The following SLC25A38 variants were observed in gnomAD, a reference collection of about 807,000 sequenced individuals.
The protein encoded by SLC25A38 is solute carrier family 25 member 38, also known as mitochondrial glycine transporter.
A neutral mutation model predicts 33.4 loss-of-function variants in SLC25A38; 27 were observed. That is an observed-to-expected ratio of 0.81 (90% CI 0.60 to 1.11). SLC25A38 has a LOEUF of 1.11. Among genes scored for constraint, SLC25A38 ranks in the 50% most tolerant of loss-of-function variants. The probability of loss-of-function intolerance (pLI) is 0.00; values close to 1 mark genes in which losing one functional copy is unlikely to be tolerated. For missense variants in SLC25A38, 344 were observed against 388.8 expected, an observed-to-expected ratio of 0.88 and a Z score of 0.97; for synonymous variants, 123 against 145.9, an observed-to-expected ratio of 0.84 and a Z score of 1.13.
chr3:39,396,431 A>T lies in SLC25A38; in HGVS notation c.826A>T (p.Ile276Phe). 6.2e-7 allele frequency: 1 copy of T among 1,614,122 alleles called. No homozygotes were observed. The highest frequency in any genetic ancestry group is 8.5e-7 in the Non-Finnish European group (1 of 1,180,026). Residue 276 changes from isoleucine (I) to phenylalanine (F), a missense_variant, in exon 7 of 7, where the codon ATC becomes TTC. Physicochemically the swap from Ile to Phe is conservative, Grantham distance 21. Coordinates refer to ENST00000650617, the MANE Select transcript of SLC25A38 (RefSeq NM_017875.4). ...ACTACGTGGCTTCTTCCAAGGTGGC[A>T]TCCCCCGAGCCCTCCGCAGAACTCT... ...YGLRGFFQGG[I>F]PRALRRTLMA...
Position 39,392,000 on chromosome 3 carries a change from A to G in SLC25A38, c.604A>G (p.Thr202Ala). ...AATCTACCTGATGTTTTACAACCAG[A>G]CCAAAAATATAGTGCCTCATGGTAG... ...SGIYLMFYNQ[T>A]KNIVPHDQVD... The change falls in exon 5 of 7, where the codon ACC (threonine) becomes GCC (alanine). Residue 202 changes from threonine to alanine, a missense_variant. By Grantham distance (58) the Thr-to-Ala change is moderately conservative. Coordinates refer to ENST00000650617, the MANE Select transcript of SLC25A38 (RefSeq NM_017875.4). 2.5e-6 allele frequency: 4 copies of G among 1,614,206 alleles called. No individual in the cohort carries two copies. Among genetic ancestry groups the G allele is most frequent in the Non-Finnish European group, 3.4e-6 (4 of 1,180,032 alleles).
At chr3:39,384,840 G>T (rs1294422224) in intron 1 of SLC25A38, 36 of 381,294 alleles carry the variant, frequency 9.4e-5, no homozygotes, top group Non-Finnish European at 1.4e-4. Flanking sequence ...TCGCCCTGTC[G>T]CCCGCGCTGG....
In SLC25A38 at chr3:39,389,517, T is replaced by A. The variant is rs1276189137; in HGVS notation, c.92T>A (p.Phe31Tyr). The A allele has an allele frequency of 2.5e-6, 4 of 1,614,192 alleles. No homozygotes were observed. Among genetic ancestry groups the A allele is most frequent in the East Asian group, 4.5e-5 (2 of 44,876 alleles). ...CAGTTACATCCGGTGATCAAGGCTTTCCTGTGTGGCTCCATCAGTGGGACC... is the reference window on the plus strand; with the variant it reads ...CAGTTACATCCGGTGATCAAGGCTTACCTGTGTGGCTCCATCAGTGGGACC... ...TLMLHPVIKAFLCGSISGTCS... is the reference protein window; with the variant it reads ...TLMLHPVIKAYLCGSISGTCS... Residue 31 changes from phenylalanine to tyrosine, a missense_variant, in exon 2 of 7, where the codon TTC becomes TAC. By Grantham distance (22) the Phe-to-Tyr change is conservative. This residue lies in a region of SLC25A38 where 269 missense variants were observed against 271.8 expected (regional missense o/e 0.99). Coordinates refer to ENST00000650617, the MANE Select transcript of SLC25A38 (RefSeq NM_017875.4). This position sits in a 1 kb window ranked among gnomAD's most constrained non-coding sequence, Gnocchi z 4.5.
At chr3:39,387,408 G>A (rs1384808191) in intron 1 of SLC25A38, among the ~76,000 whole-genome samples, 1 of 152,134 alleles carries the variant, frequency 6.6e-6, no homozygotes, top group Non-Finnish European at 1.5e-5. Context: ...GGAGACTGCT[G>A]CAGAGGTCAT....
rs72867427 is a variant in SLC25A38 at position 39,396,732 on chromosome 3, T to G, written c.*212T>G. On this transcript the variant is annotated 3_prime_UTR_variant, in exon 7 of 7. Transcript: ENST00000650617. ...CTCCAAAAGAGGAGTCATCAATTCA[T>G]AGAGCACACTAGGGTGTTAGGAGAG... 6.5e-3 allele frequency: 4,568 copies of G among 699,454 alleles called. 163 individuals carry two copies. The African/African-American group carries it at 0.071, about 11-fold the overall frequency. The allele number at this position is 699,454 out of a possible 1,614,324, so 43.3% of individuals were successfully genotyped here.
chr3:39,395,011 T>G (rs2125583333), intron 6 of SLC25A38, among the ~76,000 whole-genome samples: 1 of 152,188 alleles, frequency 6.6e-6, no homozygotes, highest in Middle Eastern at 3.4e-3. Context: ...CAGTTTGCTC[T>G]AATATACAGG....
chr3:39,390,588 A>C (rs2041753784), intron 3 of SLC25A38, 81 bp downstream of exon 3: 1 of 1,414,218 alleles, frequency 7.1e-7, no homozygotes, highest in East Asian at 2.3e-5. Context: ...ACCAGCTCTT[A>C]AGGATATGTG....
In SLC25A38 at chr3:39,383,468, C is replaced by T. The variant is rs1040494701; in HGVS notation, c.-257C>T. On this transcript the variant is annotated 5_prime_UTR_variant, in exon 1 of 7. Coordinates refer to ENST00000650617, the MANE Select transcript of SLC25A38 (RefSeq NM_017875.4). ...GGGCAGGATGGGCAGGAGAGCAGAG[C>T]CGCGGAGTCTGCGGCGCGGGTGAAG... 7 of 539,850 alleles carry T rather than the reference C, an allele frequency of 1.3e-5. No individual in the cohort carries two copies. The East Asian group carries it at 1.7e-4, about 13-fold the overall frequency. 33.4% of individuals were successfully genotyped at this position (539,850 alleles called of 1,614,324 possible).
rs2041806686 is a variant in SLC25A38, at chr3:39,394,452, G to C, written c.668G>C (p.Cys223Ser). The change falls in exon 6 of 7, where the codon TGT (cysteine) becomes TCT (serine). Residue 223 changes from cysteine to serine, a missense_variant. By Grantham distance (112) the Cys-to-Ser change is moderately radical. Transcript: ENST00000650617. ...ATLIPITNFS[C>S]GIFAGILASL... ...CTTATTCCTATTACAAATTTCAGCT[G>C]TGGGATATTTGCTGGTATTCTGGCC... 1 of 1,613,634 alleles carries C rather than the reference G, an allele frequency of 6.2e-7. No homozygotes were observed. Among genetic ancestry groups the C allele is most frequent in the Admixed American group, 1.7e-5 (1 of 60,008 alleles).
At chr3:39,390,286 TC>T in intron 2 of SLC25A38, 136 bp from the exon 3 acceptor site, 1 of 864,148 alleles carries the variant, frequency 1.2e-6, no homozygotes, top group East Asian at 2.5e-5. Flanking sequence ...ACATAGAGTA[TC>T]TCCAAGGTGC....
rs1209533146 is a variant in SLC25A38 at position 39,389,541 on chromosome 3, C to A, written c.116C>A (p.Thr39Asn). ...TTCCTGTGTGGCTCCATCAGTGGGACCTGCTCTACCCTCCTTTTCCAACCT... is the reference window on the plus strand; with the variant it reads ...TTCCTGTGTGGCTCCATCAGTGGGAACTGCTCTACCCTCCTTTTCCAACCT... ...KAFLCGSISG[T>N]CSTLLFQPLD... Residue 39 changes from threonine (T) to asparagine (N), a missense_variant, in exon 2 of 7, where the codon ACC becomes AAC. By Grantham distance (65) the Thr-to-Asn change is moderately conservative (BLOSUM62 0). This residue lies in a region of SLC25A38 where 269 missense variants were observed against 271.8 expected (regional missense o/e 0.99). Transcript: ENST00000650617. The surrounding 1 kb of genome is among the most constrained non-coding windows in gnomAD (Gnocchi z 4.5). 6.8e-6 allele frequency: 11 copies of A among 1,614,186 alleles called. No individual in the cohort carries two copies. The highest frequency in any genetic ancestry group is 3.3e-5 in the Admixed American group (2 of 60,020).
chr3:39,384,187 G>A (rs9879763), intron 1 of SLC25A38, among the ~76,000 whole-genome samples: 1,963 of 152,368 alleles, frequency 0.013, 38 homozygotes, highest in African/African-American at 0.044. Context: ...AGAAGCCGTT[G>A]ATGCCGCAGC....
rs2041776212 is a variant in SLC25A38 at position 39,391,981 on chromosome 3, C to T, written c.585C>T (p.Tyr195=). 6.2e-7 allele frequency: 1 copy of T among 1,614,188 alleles called. No individual in the cohort carries two copies. The highest frequency in any genetic ancestry group is 8.5e-7 in the Non-Finnish European group (1 of 1,180,042). The change falls in exon 5 of 7, where the codon TAC becomes TAT. Residue 195 remains tyrosine (Y), a synonymous_variant. Coordinates refer to ENST00000650617, the MANE Select transcript of SLC25A38 (RefSeq NM_017875.4). ...LLRDAPFSGI[Y]LMFYNQTKNI... The stretch of plus-strand genomic sequence containing the variant: ...GAGATGCGCCCTTCTCAGGAATCTA[C>T]CTGATGTTTTACAACCAGACCAAAA...
chr3:39,395,040 C>G (rs2041812275), intron 6 of SLC25A38, among the ~76,000 whole-genome samples: 1 of 152,032 alleles, frequency 6.6e-6, no homozygotes, highest in Non-Finnish European at 1.5e-5. Context: ...CTTTTGGCTT[C>G]CCTGGGCCAC....
At chr3:39,387,211 C>T (rs1575242562) in intron 1 of SLC25A38, among the ~76,000 whole-genome samples, 1 of 152,132 alleles carries the variant, frequency 6.6e-6, no homozygotes, top group Non-Finnish European at 1.5e-5. Flanking sequence ...TAAGTCCTGG[C>T]CAGTGGCTTC....
At chr3:39,395,235 G>A (rs1284524328) in intron 6 of SLC25A38, among the ~76,000 whole-genome samples, 2 of 152,170 alleles carry the variant, frequency 1.3e-5, no homozygotes, top group African/African-American at 2.4e-5. Context: ...GGTTGAACAA[G>A]CTTGCTCTAA....
chr3:39,391,418 T>C, intron 3 of SLC25A38, 23 bp from the exon 4 acceptor site: 1 of 1,612,600 alleles, frequency 6.2e-7, no homozygotes, highest in South Asian at 1.1e-5. Flanking sequence ...TTGATTTTCT[T>C]TTCTCCCTGA....
At chr3:39,392,754 G>A (rs1418596447) in intron 5 of SLC25A38, among the ~76,000 whole-genome samples, 2 of 152,170 alleles carry the variant, frequency 1.3e-5, no homozygotes, top group Admixed American at 1.3e-4. Context: ...CTTTAATTAG[G>A]AATGTCAGCA....
intron 6 of SLC25A38, among the ~76,000 whole-genome samples, chr3:39,395,010 C>T (rs955137569): frequency 6.6e-5 from 10 of 151,998 alleles, no homozygotes; most frequent in African/African-American, 2.4e-4. Flanking sequence ...GCAGTTTGCT[C>T]TAATATACAG....
Sources: allele counts gnomAD v4.1 joint callset (sites outside exome capture counted in the v4.1 genomes callset), GRCh38; gene constraint gnomAD v4.1.1; regional missense constraint gnomAD v4.1.1; non-coding constraint Gnocchi (gnomAD v3.1); transcripts MANE v1.5; gene names NCBI Gene and HGNC (gene_info 2026-07-23, HGNC 2026-07-21).